The following SLC9A7 variants were observed in gnomAD, a reference collection of about 807,000 sequenced individuals.
The protein encoded by SLC9A7 is sodium/hydrogen exchanger 7.
SLC9A7 carries 19 observed loss-of-function variants against 52.6 expected under a neutral mutation model. That is an observed-to-expected ratio of 0.36 (90% CI 0.25 to 0.53). The LOEUF (loss-of-function observed/expected upper bound fraction) is 0.53. Ranked by LOEUF, SLC9A7 falls within the 20% of genes least tolerant of loss-of-function variation. The pLI, the probability that SLC9A7 is intolerant of heterozygous loss-of-function variation, is 0.91. For synonymous variants in SLC9A7, 226 were observed against 252.1 expected, an observed-to-expected ratio of 0.90 and a Z score of 0.98; for missense variants, 455 against 597.9, an observed-to-expected ratio of 0.76 and a Z score of 2.49.
At chrX:46,661,908 C>T (rs1407006464) in intron 7 of SLC9A7, 108 bp downstream of exon 7, 2 of 706,003 alleles carry the variant, frequency 2.8e-6, no homozygotes, top group East Asian at 7.4e-5. Context: ...CCCAGTGGAA[C>T]ACTCAATGTA....
chrX:46,695,976 C>T (rs866539424), intron 1 of SLC9A7, among the ~76,000 whole-genome samples: 2 of 104,524 alleles, frequency 1.9e-5, no homozygotes, highest in South Asian at 4.3e-4. Context: ...TATATTTTTA[C>T]TTATTTATTT....
At chrX:46,724,712 A>G (rs775776510) in intron 1 of SLC9A7, among the ~76,000 whole-genome samples, 1 of 111,525 alleles carries the variant, frequency 9.0e-6, no homozygotes, top group Non-Finnish European at 1.9e-5. Flanking sequence ...AAAGGCCATC[A>G]CTTTAACCAA....
intron 1 of SLC9A7, among the ~76,000 whole-genome samples, chrX:46,719,423 C>A (rs757778532): frequency 1.1e-4 from 12 of 110,592 alleles, no homozygotes; most frequent in Non-Finnish European, 1.7e-4. Flanking sequence ...TACACATGTA[C>A]CCTAGAACTT....
At position 46,623,879 on chromosome X, in the gene SLC9A7, G is replaced by A. The variant is rs746384378; in HGVS notation, c.1741-2820C>T. Among the ~76,000 whole-genome samples the A allele has an allele frequency of 3.6e-5, 4 of 111,791 alleles. No homozygotes were observed. In the East Asian group the frequency reaches 1.1e-3, roughly 31 times the overall value. Reference sequence around the variant, plus strand: ...GCACACCTGAATTTATGCTAATAAGGTGACTCTTGAATGGACACTGATTGC... The same window carrying A: ...GCACACCTGAATTTATGCTAATAAGATGACTCTTGAATGGACACTGATTGC... On this transcript the variant is annotated intron_variant, in intron 14 of 16. Transcript: ENST00000616978.
At chrX:46,671,822 T>C (rs1214358551) in intron 4 of SLC9A7, among the ~76,000 whole-genome samples, 1 of 112,003 alleles carries the variant, frequency 8.9e-6, no homozygotes, top group Non-Finnish European at 1.9e-5. Flanking sequence ...GTCAGGTTTC[T>C]CCACTGTAAA....
At chrX:46,752,248 G>A (rs531787268) in intron 1 of SLC9A7, among the ~76,000 whole-genome samples, 1 of 111,711 alleles carries the variant, frequency 9.0e-6, no homozygotes, top group Admixed American at 9.5e-5. Context: ...CAAAGAATGA[G>A]TACATTCTCC....
chrX:46,631,743 A>G (rs1403995962), intron 13 of SLC9A7, 94 bp from the exon 14 acceptor site: 2 of 651,683 alleles, frequency 3.1e-6, no homozygotes, highest in African/African-American at 4.3e-5. Flanking sequence ...CTGGAGGCTA[A>G]TCATCTTCCC....
At chrX:46,680,335 C>T (rs370481860) in intron 2 of SLC9A7, among the ~76,000 whole-genome samples, 5 of 100,163 alleles carry the variant, frequency 5.0e-5, no homozygotes, top group East Asian at 6.1e-4. Context: ...AGCAACAGAG[C>T]GAGACTCCAT....
intron 14 of SLC9A7, among the ~76,000 whole-genome samples, chrX:46,627,778 T>TGGGGGG: frequency 1.6e-5 from 1 of 63,112 alleles, no homozygotes; most frequent in South Asian, 9.3e-4. Flanking sequence ...ATGGGCGGGT[T>TGGGGGG]GGGGGGGGGG....
At chrX:46,654,736 C>T (rs1237072716) in intron 7 of SLC9A7, among the ~76,000 whole-genome samples, 3 of 110,909 alleles carry the variant, frequency 2.7e-5, no homozygotes, top group African/African-American at 9.9e-5. Flanking sequence ...TGTCACCTTT[C>T]GGGACCAGAG....
Position 46,643,347 on chromosome X carries a change from G to A in SLC9A7, c.1505C>T (p.Thr502Met), listed in dbSNP as rs772942005. Residue 502 changes from threonine to methionine, a missense_variant, in exon 12 of 17, where the codon ACG (threonine) becomes ATG (methionine). This residue lies in a region of SLC9A7 where 304 missense variants were observed against 417.8 expected (regional missense o/e 0.73). Coordinates refer to ENST00000616978, the MANE Select transcript of SLC9A7 (RefSeq NM_001257291.2). ...CATCATCTGGCGAGCATAGGATGCC[G>A]TGTCACGGATGGCCAACGCAAATGC... Reference protein sequence around the residue: ...AMAFALAIRDTASYARQMMFT... With the variant: ...AMAFALAIRDMASYARQMMFT... 1.1e-5 allele frequency: 13 copies of A among 1,209,385 alleles called. No homozygotes were observed. Among genetic ancestry groups the A allele is most frequent in the Admixed American group, 2.2e-5 (1 of 45,833 alleles).
intron 1 of SLC9A7, among the ~76,000 whole-genome samples, chrX:46,688,464 G>A (rs1343559913): frequency 9.1e-6 from 1 of 110,477 alleles, no homozygotes; most frequent in African/African-American, 3.3e-5. Context: ...GGACGTTGTG[G>A]CACATGCCTG....
chrX:46,639,262 G>C (rs1943366542), intron 12 of SLC9A7, among the ~76,000 whole-genome samples: 1 of 108,441 alleles, frequency 9.2e-6, no homozygotes, highest in Admixed American at 9.9e-5. Context: ...AGTTAATAAG[G>C]CAAGACCGAA....
rs146285994 is a variant in SLC9A7 at position 46,625,812 on chromosome X, C to G, written c.1741-4753G>C. Among the ~76,000 whole-genome samples, 414 of 111,456 alleles carry G rather than the reference C, an allele frequency of 3.7e-3. 1 individual carries two copies. The highest frequency in any genetic ancestry group is 6.5e-3 in the Non-Finnish European group (342 of 52,982). On this transcript the variant is annotated intron_variant, in intron 14 of 16. Coordinates refer to ENST00000616978, the MANE Select transcript of SLC9A7 (RefSeq NM_001257291.2). The stretch of plus-strand genomic sequence containing the variant: ...GGAGAGATTCAGAGCTTGACTTGCC[C>G]CACTGTTGCTGGCTTTGCAGCAAGA...
chrX:46,667,016 T>A (rs1943932778), intron 5 of SLC9A7, among the ~76,000 whole-genome samples: 1 of 112,033 alleles, frequency 8.9e-6, no homozygotes, highest in African/African-American at 3.2e-5. Context: ...TCAGAGATGA[T>A]CTGTTATTTG....
intron 1 of SLC9A7, among the ~76,000 whole-genome samples, chrX:46,707,745 ATTTG>A (rs1336719931): frequency 8.9e-6 from 1 of 111,931 alleles, no homozygotes; most frequent in South Asian, 3.7e-4. Context: ...GCCTTTATTT[ATTTG>A]TTTGTTTGAG....
chrX:46,679,809 C>T lies in SLC9A7; in HGVS notation c.526-54G>A, dbSNP rs1944181893. 8.4e-6 allele frequency: 6 copies of T among 717,024 alleles called. No homozygotes were observed. The Admixed American group carries it at 1.6e-4, about 19-fold the overall frequency. 59.1% of individuals were successfully genotyped at this position (717,024 alleles called of 1,213,427 possible). ...ATTTTTTATTTAACTCCAATTCATG[C>T]TATAATATCTGCTTAATATTTGAAG... On this transcript the variant is annotated intron_variant, in intron 2 of 16. Coordinates refer to ENST00000616978, the MANE Select transcript of SLC9A7 (RefSeq NM_001257291.2).
chrX:46,721,637 C>A (rs770573256), intron 1 of SLC9A7, among the ~76,000 whole-genome samples: 1 of 111,701 alleles, frequency 9.0e-6, no homozygotes, highest in East Asian at 2.8e-4. Context: ...TGCAACACAG[C>A]ACAGCTTCCA....
chrX:46,738,679 A>C (rs1017016928), intron 1 of SLC9A7, among the ~76,000 whole-genome samples: 3 of 110,061 alleles, frequency 2.7e-5, no homozygotes, highest in Admixed American at 9.7e-5. Context: ...TTGAGAAAGA[A>C]GAATCGCTTG....
Sources: gnomAD v4.1 joint callset for allele counts (sites outside exome capture counted in the v4.1 genomes callset) on GRCh38, gnomAD v4.1.1 for gene constraint, gnomAD v4.1.1 regional missense constraint, MANE v1.5 for transcripts, NCBI Gene and HGNC (gene_info 2026-07-23, HGNC 2026-07-21) for gene names.